ATG2B: variants seen among roughly 807,000 people sequenced by gnomAD.
ATG2B encodes the protein autophagy-related protein 2 homolog B.
ATG2B carries 121 observed loss-of-function variants against 241.3 expected under a neutral mutation model. That is an observed-to-expected ratio of 0.50 (90% CI 0.43 to 0.58). ATG2B has a LOEUF of 0.58. Ranked by LOEUF, ATG2B falls within the 20% of genes least tolerant of loss-of-function variation. The pLI is 0.00. For synonymous variants in ATG2B, 858 were observed against 876.6 expected, an observed-to-expected ratio of 0.98 and a Z score of 0.37; for missense variants, 2,306 against 2,491.6, an observed-to-expected ratio of 0.93 and a Z score of 1.59.
chr14:96,297,630 C>CTCG (rs1440359154), intron 34 of ATG2B, among the ~76,000 whole-genome samples: 2 of 152,096 alleles, frequency 1.3e-5, no homozygotes, highest in Non-Finnish European at 2.9e-5. Context: ...AACCCCTGAC[C>CTCG]TCGTGATCCA....
In ATG2B at chr14:96,295,108, T is replaced by C. The variant is rs150055658; in HGVS notation, c.5278A>G (p.Lys1760Glu). 302 of 1,614,218 alleles carry C rather than the reference T, an allele frequency of 1.9e-4. No individual in the cohort carries two copies. In the African/African-American group the frequency reaches 3.2e-3, roughly 17 times the overall value. Residue 1760 changes from lysine (K) to glutamate (E), a missense_variant, in exon 36 of 42, where the codon AAG becomes GAG. Physicochemically the swap from Lys to Glu is moderately conservative, Grantham distance 56 (BLOSUM62 1). Transcript: ENST00000359933. ...CSLPRHLSTS[K>E]EPNLVISFSG... The stretch of plus-strand genomic sequence containing the variant: ...AAAGAAATAACCAGATTTGGCTCCT[T>C]TGAGGTACTCAAATGCCTTGGCAAA...
At chr14:96,293,534 C>G (rs1457445644) in intron 36 of ATG2B, among the ~76,000 whole-genome samples, 8 of 152,140 alleles carry the variant, frequency 5.3e-5, no homozygotes, top group Admixed American at 5.2e-4. Flanking sequence ...AGGAAGGGGG[C>G]TCTCATGACA....
intron 15 of ATG2B, 189 bp from the exon 16 acceptor site, chr14:96,324,187 T>G (rs1224640505): frequency 5.5e-6 from 3 of 549,084 alleles, no homozygotes; most frequent in Middle Eastern, 9.7e-4. Flanking sequence ...TTCTGTTTTG[T>G]GTTCAAACTC....
At chr14:96,305,846 T>C in intron 30 of ATG2B, 31 bp from the exon 31 acceptor site, 1 of 1,549,320 alleles carries the variant, frequency 6.5e-7, no homozygotes, top group Non-Finnish European at 8.9e-7. Flanking sequence ...ACACATACTC[T>C]CTTTTCTAAT....
Position 96,315,538 on chromosome 14 carries a change from C to T in ATG2B, c.3407G>A (p.Ser1136Asn), listed in dbSNP as rs1258807792. 6.2e-7 allele frequency: 1 copy of T among 1,614,076 alleles called. No individual in the cohort carries two copies. Among genetic ancestry groups the T allele is most frequent in the Non-Finnish European group, 8.5e-7 (1 of 1,179,974 alleles). Residue 1136 changes from serine (S) to asparagine (N), a missense_variant, in exon 22 of 42, where the codon AGC (serine) becomes AAC (asparagine). Transcript: ENST00000359933. ...TTCCAACCAGTGTGGGCGGGTTGAGCTGGGAAGTCGTGTTTCTGTCGGGAG... is the reference window on the plus strand; with the variant it reads ...TTCCAACCAGTGTGGGCGGGTTGAGTTGGGAAGTCGTGTTTCTGTCGGGAG... ...VILPTETRLP[S>N]STRPHWLEPT...
intron 23 of ATG2B, among the ~76,000 whole-genome samples, chr14:96,313,986 G>C (rs1385041630): frequency 6.6e-6 from 1 of 152,142 alleles, no homozygotes; most frequent in Non-Finnish European, 1.5e-5. Context: ...GTTGAAGGAA[G>C]CTCTTTTTCC....
rs1886204176 is a variant in ATG2B, at chr14:96,281,714, C to T, written c.*4041G>A. On this transcript the variant is annotated 3_prime_UTR_variant, in exon 42 of 42. Transcript: ENST00000359933. ...GACATTAGAGATATAACTGAGCCAG[C>T]TGAGATGACATTTACAATCTCTTGA... is the stretch of plus-strand genomic sequence containing the variant. The T allele has an allele frequency of 6.6e-6, 1 of 152,232 alleles. No individual in the cohort carries two copies. The highest frequency in any genetic ancestry group is 1.5e-5 in the Non-Finnish European group (1 of 68,044). 9.4% of individuals were successfully genotyped at this position (152,232 alleles called of 1,614,324 possible).
At chr14:96,303,286 A>G in intron 32 of ATG2B, 31 bp from the exon 33 acceptor site, 2 of 1,408,332 alleles carry the variant, frequency 1.4e-6, no homozygotes, top group Non-Finnish European at 1.9e-6. Flanking sequence ...AACGCGGAAC[A>G]GTTCTTTACA....
At chr14:96,323,859 G>A in intron 16 of ATG2B, 37 bp downstream of exon 16, 1 of 1,314,782 alleles carries the variant, frequency 7.6e-7, no homozygotes, top group East Asian at 2.3e-5. Context: ...ATTTTTAAAA[G>A]GAAAATCCTA....
intron 26 of ATG2B, 30 bp from the exon 27 acceptor site, chr14:96,311,648 T>A (rs754059359): frequency 1.4e-6 from 2 of 1,454,198 alleles, no homozygotes; most frequent in Admixed American, 3.4e-5. Context: ...GAAAATCTCT[T>A]CAGTACAGCT....
At position 96,322,131 on chromosome 14, in the gene ATG2B, A is replaced by G; in HGVS notation, c.2860T>C (p.Tyr954His). The change falls in exon 18 of 42, where the codon TAT (tyrosine) becomes CAT (histidine). Residue 954 changes from tyrosine (Y) to histidine (H), a missense_variant. Tyr to His is a moderately conservative substitution (Grantham distance 83, BLOSUM62 2). Coordinates refer to ENST00000359933, the MANE Select transcript of ATG2B (RefSeq NM_018036.7). ...IYVTLPNKSF[Y>H]EKLYNRIFND... is the part of the protein sequence containing the mutation. Reference sequence around the variant, plus strand: ...ACTCACCTATTATAAAGCTTCTCATAAAAGCTCTTATTAGGTAGTGTTACA... The same window carrying G: ...ACTCACCTATTATAAAGCTTCTCATGAAAGCTCTTATTAGGTAGTGTTACA... 6.4e-7 allele frequency: 1 copy of G among 1,551,274 alleles called. No individual in the cohort carries two copies. The highest frequency in any genetic ancestry group is 8.6e-7 in the Non-Finnish European group (1 of 1,157,104).
chr14:96,294,401 CTG>C (rs1886572857), intron 36 of ATG2B, among the ~76,000 whole-genome samples: 1 of 152,204 alleles, frequency 6.6e-6, no homozygotes. Context: ...AATGAGGAAA[CTG>C]CAGTGTGCTG....
At position 96,352,943 on chromosome 14, in the gene ATG2B, T is replaced by C. The variant is rs537781688; in HGVS notation, c.163-5602A>G. On this transcript the variant is annotated intron_variant, in intron 1 of 41. Transcript: ENST00000359933. ...TCACTGACTCACTCAGAGGAATTTC[T>C]AGTCCTGCAAGCTCCATTCATGGTA... Among the ~76,000 whole-genome samples, 590 of 152,334 alleles carry C rather than the reference T, an allele frequency of 3.9e-3. 6 individuals are homozygous for C. Among genetic ancestry groups the C allele is most frequent in the African/African-American group, 0.013 (543 of 41,582 alleles).
At position 96,279,839 on chromosome 14, in the gene ATG2B, G is replaced by A. The variant is rs1350632417; in HGVS notation, c.*5916C>T. 7 of 152,270 alleles carry A rather than the reference G, an allele frequency of 4.6e-5. No individual in the cohort carries two copies. The highest frequency in any genetic ancestry group is 1.5e-4 in the African/African-American group (6 of 41,374). The allele number at this position is 152,270 out of a possible 1,614,324, so 9.4% of individuals were successfully genotyped here. A position where few individuals can be genotyped will look rare whatever the true frequency, so the allele number is the denominator to read the frequency against. ...GGAGACGTCTTTGGCTGTCACAACT[G>A]GGGGAGGGGAGTTTGTTACTGGCAT... is the stretch of plus-strand genomic sequence containing the variant. On this transcript the variant is annotated 3_prime_UTR_variant, in exon 42 of 42. Transcript: ENST00000359933.
intron 23 of ATG2B, among the ~76,000 whole-genome samples, chr14:96,314,004 A>G (rs1314357478): frequency 6.6e-6 from 1 of 152,142 alleles, no homozygotes. Flanking sequence ...TCCTTAATGT[A>G]TACCTAGCTC....
At chr14:96,347,783 TATC>T (rs1477186547) in intron 1 of ATG2B, among the ~76,000 whole-genome samples, 3 of 152,178 alleles carry the variant, frequency 2.0e-5, no homozygotes. Context: ...TACAATGAGA[TATC>T]ATCTCACTAC....
Position 96,289,456 on chromosome 14 carries a change from G to T in ATG2B, c.6006+200C>A. 1 of 558,602 alleles carries T rather than the reference G, an allele frequency of 1.8e-6. No homozygotes were observed. The highest frequency in any genetic ancestry group is 3.2e-6 in the Non-Finnish European group (1 of 316,752). 34.6% of individuals were successfully genotyped at this position (558,602 alleles called of 1,614,324 possible). A position where few individuals can be genotyped will look rare whatever the true frequency, so the allele number is the denominator to read the frequency against. On this transcript the variant is annotated intron_variant, in intron 41 of 41. Coordinates refer to ENST00000359933, the MANE Select transcript of ATG2B (RefSeq NM_018036.7). This position sits in a 1 kb window ranked among gnomAD's most constrained non-coding sequence, Gnocchi z 4.3. The stretch of plus-strand genomic sequence containing the variant: ...AATCCATCCACCCACGCAATCACTA[G>T]TATTCCTGTCAGCCTATTGGTCCCA...
Position 96,289,874 on chromosome 14 carries a change from A to G in ATG2B, c.5857-69T>C. The G allele has an allele frequency of 2.6e-6, 4 of 1,533,196 alleles. No individual in the cohort carries two copies. Among genetic ancestry groups the G allele is most frequent in the Middle Eastern group, 1.7e-4 (1 of 5,808 alleles). The allele number at this position is 1,533,196 out of a possible 1,614,324, so 95.0% of individuals were successfully genotyped here. Reference sequence around the variant, plus strand: ...CTGAAGAGTTACGGACCAGCAGAGCACTTCCTACAGGGAGTGAGGAAGAGC... The same window carrying G: ...CTGAAGAGTTACGGACCAGCAGAGCGCTTCCTACAGGGAGTGAGGAAGAGC... On this transcript the variant is annotated intron_variant, in intron 40 of 41. Coordinates refer to ENST00000359933, the MANE Select transcript of ATG2B (RefSeq NM_018036.7). This position sits in a 1 kb window ranked among gnomAD's most constrained non-coding sequence, Gnocchi z 4.3.
chr14:96,314,787 G>A (rs992133656), intron 23 of ATG2B, among the ~76,000 whole-genome samples: 6 of 152,206 alleles, frequency 3.9e-5, no homozygotes, highest in East Asian at 3.8e-4. Context: ...TGCAACCTCC[G>A]CCTCCCGGGT....
Sources: gnomAD v4.1 joint callset for allele counts (sites outside exome capture counted in the v4.1 genomes callset) on GRCh38, gnomAD v4.1.1 for gene constraint, Gnocchi (gnomAD v3.1) non-coding constraint, MANE v1.5 for transcripts, NCBI Gene and HGNC (gene_info 2026-07-23, HGNC 2026-07-21) for gene names.